The following MMP16 variants were observed in gnomAD, a reference collection of about 807,000 sequenced individuals.
MMP16 encodes the protein matrix metallopeptidase 16.
Under a neutral mutation model 67.8 loss-of-function variants are expected in MMP16, and 12 were observed. The observed-to-expected ratio is 0.18, with a 90% confidence interval of 0.11 to 0.29. The LOEUF (loss-of-function observed/expected upper bound fraction) is 0.29. Among genes scored for constraint, MMP16 ranks in the 10% least tolerant of loss-of-function variants. The probability of loss-of-function intolerance (pLI) is 1.00; values close to 1 mark genes in which losing one functional copy is unlikely to be tolerated. For missense variants in MMP16, 475 were observed against 765.7 expected (o/e 0.62, Z 4.48); for synonymous variants, 249 against 255.9 (o/e 0.97, Z 0.26).
At chr8:88,280,852 T>C (rs1048221506) in intron 1 of MMP16, among the ~76,000 whole-genome samples, 3 of 152,122 alleles carry the variant, frequency 2.0e-5, no homozygotes, top group Admixed American at 2.0e-4. Context: ...ACCACTGCAC[T>C]CCATCCTGGG....
At chr8:88,211,585 G>A (rs1289776600) in intron 1 of MMP16, among the ~76,000 whole-genome samples, 2 of 152,190 alleles carry the variant, frequency 1.3e-5, no homozygotes, top group East Asian at 3.9e-4. Context: ...AACTTGAAAA[G>A]CCTTTCACAA....
chr8:88,146,984 T>C (rs1310042523), intron 4 of MMP16, among the ~76,000 whole-genome samples: 2 of 152,020 alleles, frequency 1.3e-5, no homozygotes, highest in African/African-American at 2.4e-5. Flanking sequence ...CTATAACATT[T>C]TGTATATAAA....
intron 4 of MMP16, among the ~76,000 whole-genome samples, chr8:88,148,196 G>C (rs953206226): frequency 5.3e-5 from 8 of 152,240 alleles, no homozygotes; most frequent in African/African-American, 1.9e-4. Flanking sequence ...ATAGTCACTT[G>C]ATGTCTGCTC....
At chr8:88,305,547 C>T (rs941480304) in intron 1 of MMP16, among the ~76,000 whole-genome samples, 18 of 152,190 alleles carry the variant, frequency 1.2e-4, no homozygotes, top group African/African-American at 2.4e-5. Flanking sequence ...AGAAGTAAAA[C>T]ACTCTTCAGC....
chr8:88,126,963 T>C (rs2118460449), intron 4 of MMP16, among the ~76,000 whole-genome samples: 1 of 152,018 alleles, frequency 6.6e-6, no homozygotes, highest in South Asian at 2.1e-4. Flanking sequence ...CGAGTATTCC[T>C]GTAATCAACA....
intron 1 of MMP16, among the ~76,000 whole-genome samples, chr8:88,255,174 C>A (rs1298562916): frequency 6.6e-6 from 1 of 152,090 alleles, no homozygotes; most frequent in Non-Finnish European, 1.5e-5. Context: ...TTGTTGCCCT[C>A]CCCATGGTAA....
chr8:88,155,027 T>C (rs955291320), intron 4 of MMP16, among the ~76,000 whole-genome samples: 1 of 152,134 alleles, frequency 6.6e-6, no homozygotes, highest in Non-Finnish European at 1.5e-5. Flanking sequence ...TATCTGATAA[T>C]AGCATGATCA....
At chr8:88,194,872 A>C (rs1196354769) in intron 2 of MMP16, among the ~76,000 whole-genome samples, 1 of 152,154 alleles carries the variant, frequency 6.6e-6, no homozygotes, top group African/African-American at 2.4e-5. Flanking sequence ...ATACAGCTCC[A>C]AACCAAAACA....
chr8:88,290,102 C>A (rs1810903059), intron 1 of MMP16, among the ~76,000 whole-genome samples: 1 of 152,088 alleles, frequency 6.6e-6, no homozygotes, highest in East Asian at 1.9e-4. Context: ...TTTGAGGTAA[C>A]AAATAAATTA....
chr8:88,046,638 T>C, intron 9 of MMP16, 31 bp downstream of exon 9: 1 of 1,422,536 alleles, frequency 7.0e-7, no homozygotes, highest in Non-Finnish European at 9.7e-7. Context: ...GATAGCAAAC[T>C]TATGAAATGT....
At chr8:88,134,563 A>G (rs1808086065) in intron 4 of MMP16, among the ~76,000 whole-genome samples, 1 of 151,562 alleles carries the variant, frequency 6.6e-6, no homozygotes, top group Non-Finnish European at 1.5e-5. Flanking sequence ...ATACACTGTC[A>G]AAGATTTATG....
At chr8:88,067,340 T>A (rs1219768950) in intron 7 of MMP16, among the ~76,000 whole-genome samples, 1 of 152,126 alleles carries the variant, frequency 6.6e-6, no homozygotes, top group Admixed American at 6.6e-5. Context: ...CAAATTGTAC[T>A]ACCTATGTCA....
At chr8:88,053,348 C>A (rs1271936847) in intron 8 of MMP16, among the ~76,000 whole-genome samples, 3 of 152,166 alleles carry the variant, frequency 2.0e-5, no homozygotes, top group African/African-American at 7.2e-5. Context: ...ATTTTGAATG[C>A]TTTTCTGGAG....
At chr8:88,181,712 A>G (rs1441478485) in intron 3 of MMP16, among the ~76,000 whole-genome samples, 6 of 152,020 alleles carry the variant, frequency 3.9e-5, no homozygotes, top group Non-Finnish European at 8.8e-5. Context: ...AATACCCAGC[A>G]GAATACTTAA....
intron 3 of MMP16, among the ~76,000 whole-genome samples, chr8:88,177,049 G>C (rs1808904556): frequency 6.6e-6 from 1 of 152,104 alleles, no homozygotes; most frequent in Non-Finnish European, 1.5e-5. Context: ...TTCATCTTCT[G>C]TTATGTCCTT....
chr8:88,144,824 A>G (rs1021972312), intron 4 of MMP16, among the ~76,000 whole-genome samples: 4 of 152,094 alleles, frequency 2.6e-5, no homozygotes, highest in African/African-American at 9.6e-5. Context: ...AGACATCACA[A>G]TTTTTAAAAA....
In MMP16 at chr8:88,105,963, ATT is replaced by A. The variant is rs35863491; in HGVS notation, c.1083+10542_1083+10543del. Among the ~76,000 whole-genome samples, 1,222 of 150,638 alleles carry A rather than the reference ATT, an allele frequency of 8.1e-3. 10 individuals are homozygous for A. Among genetic ancestry groups the A allele is most frequent in the Non-Finnish European group, 0.012 (822 of 67,336 alleles). ...ACATTACAGTATTAGTCCTTTGAGA[ATT>A]TTTTATTTATAAATCTATTTGTATA... On this transcript the variant is annotated intron_variant, in intron 6 of 9. Transcript: ENST00000286614.
chr8:88,172,693 G>A (rs886518591), intron 3 of MMP16, among the ~76,000 whole-genome samples: 1 of 152,080 alleles, frequency 6.6e-6, no homozygotes, highest in Non-Finnish European at 1.5e-5. Context: ...AGAGTAAAGT[G>A]AGTATACTTC....
rs28904633 is a variant in MMP16, at chr8:88,211,325, G to T, written c.133-14019C>A. On this transcript the variant is annotated intron_variant, in intron 1 of 9. Transcript: ENST00000286614. ...AAGGTTGTAAGTTATAAAATATGTT[G>T]TAGTTATTATTATTGCCATTGTAAT... 2.6e-5 allele frequency among the ~76,000 whole-genome samples: 4 copies of T among 152,246 alleles called. No homozygotes were observed. In the East Asian group the frequency reaches 7.7e-4, roughly 29 times the overall value.
Sources: gnomAD v4.1 joint callset for allele counts (sites outside exome capture counted in the v4.1 genomes callset) on GRCh38, gnomAD v4.1.1 for gene constraint, MANE v1.5 for transcripts, NCBI Gene and HGNC (gene_info 2026-07-23, HGNC 2026-07-21) for gene names.